Variants in SHB observed in about 807,000 individuals in gnomAD.
SHB encodes the protein SH2 domain-containing adapter protein B.
In SHB, 20 loss-of-function variants were observed where a neutral mutation model predicts 52.3. That is an observed-to-expected ratio of 0.38 (90% CI 0.27 to 0.56). The LOEUF is 0.56. Among genes scored for constraint, SHB ranks in the 20% least tolerant of loss-of-function variants. The probability of loss-of-function intolerance (pLI) is 0.71; values close to 1 mark genes in which losing one functional copy is unlikely to be tolerated. For missense variants in SHB, 825 were observed against 723.3 expected (o/e 1.14, Z -1.61); for synonymous variants, 397 against 316.5 (o/e 1.25, Z -2.70).
intron 1 of SHB, among the ~76,000 whole-genome samples, chr9:38,024,356 A>G (rs1470294802): frequency 1.3e-5 from 2 of 152,222 alleles, no homozygotes; most frequent in African/African-American, 4.8e-5. Flanking sequence ...CCTGCCCCAC[A>G]TGTCAGGAGG....
intron 5 of SHB, among the ~76,000 whole-genome samples, chr9:37,947,972 C>T (rs1300760240): frequency 6.6e-6 from 1 of 152,240 alleles, no homozygotes; most frequent in Non-Finnish European, 1.5e-5. Flanking sequence ...GGGTCCCGTC[C>T]AGCAATAGCA....
intron 1 of SHB, among the ~76,000 whole-genome samples, chr9:38,059,116 CTGAA>C (rs530537069): frequency 1.3e-5 from 2 of 152,258 alleles, no homozygotes; most frequent in South Asian, 4.1e-4. Flanking sequence ...ACAGTGTCTA[CTGAA>C]TGAATGAATG....
intron 2 of SHB, among the ~76,000 whole-genome samples, chr9:37,976,062 G>A (rs1564092479): frequency 1.3e-5 from 2 of 152,136 alleles, no homozygotes; most frequent in Admixed American, 6.5e-5. Context: ...TTGAGATGGA[G>A]TCTTACTCTG....
intron 2 of SHB, among the ~76,000 whole-genome samples, chr9:37,988,621 C>T (rs187710553): frequency 3.2e-4 from 49 of 152,324 alleles, no homozygotes; most frequent in African/African-American, 1.1e-3. Context: ...CAAAGCTGTG[C>T]TTTCCTGCCT....
intron 2 of SHB, among the ~76,000 whole-genome samples, chr9:38,000,249 C>T (rs1820995245): frequency 6.6e-6 from 1 of 152,236 alleles, no homozygotes; most frequent in Non-Finnish European, 1.5e-5. Flanking sequence ...GACCCCAGGC[C>T]TAAGCTCTTT....
chr9:37,991,965 A>T (rs1482466457), intron 2 of SHB, among the ~76,000 whole-genome samples: 1 of 152,220 alleles, frequency 6.6e-6, no homozygotes, highest in Non-Finnish European at 1.5e-5. Flanking sequence ...CTCCCACACC[A>T]GAAACATGCT....
intron 1 of SHB, among the ~76,000 whole-genome samples, chr9:38,043,625 C>T (rs146428930): frequency 2.8e-4 from 43 of 152,308 alleles, no homozygotes; most frequent in African/African-American, 1.0e-3. Flanking sequence ...TGCAGTGGCT[C>T]ACACCTGTAA....
chr9:37,938,133 C>G lies in SHB; in HGVS notation c.1346+10502G>C, dbSNP rs150472713. 3.0e-3 allele frequency among the ~76,000 whole-genome samples: 455 copies of G among 152,348 alleles called. 1 individual carries two copies. Among genetic ancestry groups the G allele is most frequent in the African/African-American group, 0.01 (434 of 41,570 alleles). ...AAGCCCCTACAGCACAAAGGCTCTG[C>G]AAACCACCCTACCTGCATCTGTGCA... On this transcript the variant is annotated intron_variant, in intron 5 of 5. Transcript: ENST00000377707.
chr9:38,045,823 C>G (rs1564109739), intron 1 of SHB, among the ~76,000 whole-genome samples: 3 of 152,188 alleles, frequency 2.0e-5, no homozygotes, highest in African/African-American at 4.8e-5. Context: ...TCTAGCGTGT[C>G]TAGGCCAGAG....
At chr9:37,976,928 C>T (rs992960322) in intron 2 of SHB, among the ~76,000 whole-genome samples, 19 of 152,152 alleles carry the variant, frequency 1.2e-4, no homozygotes, top group Admixed American at 7.9e-4. Context: ...ATGATTCAGG[C>T]CGGCTCATGT....
intron 2 of SHB, among the ~76,000 whole-genome samples, chr9:38,002,936 C>T (rs1166992764): frequency 1.3e-5 from 2 of 152,104 alleles, no homozygotes; most frequent in African/African-American, 4.8e-5. Context: ...AGGGCTGGGG[C>T]CCAAAAGGCA....
rs929507786 is a variant in SHB at position 37,956,007 on chromosome 9, G to T, written c.1102C>A (p.Arg368=). Reference sequence around the variant, plus strand: ...GCACGAAGCTGGCGCCGCCGGTCCCGCGAAGGTGAGGGGGATGACTGCCGC... The same window carrying T: ...GCACGAAGCTGGCGCCGCCGGTCCCTCGAAGGTGAGGGGGATGACTGCCGC... ...EKRQSSPSPS[R]DRRRQLRAPG... The change falls in exon 4 of 6, where the codon CGG becomes AGG. Residue 368 remains arginine (R), a synonymous_variant. Coordinates refer to ENST00000377707, the MANE Select transcript of SHB (RefSeq NM_003028.3). The T allele has an allele frequency of 6.3e-7, 1 of 1,587,836 alleles. No homozygotes were observed. Among genetic ancestry groups the T allele is most frequent in the African/African-American group, 1.3e-5 (1 of 74,732 alleles).
At chr9:38,002,391 C>A (rs1821026118) in intron 2 of SHB, among the ~76,000 whole-genome samples, 1 of 152,222 alleles carries the variant, frequency 6.6e-6, no homozygotes, top group Non-Finnish European at 1.5e-5. Flanking sequence ...AAAGCCATCA[C>A]TCCCTGCAGA....
chr9:38,036,602 G>A (rs924942757), intron 1 of SHB, among the ~76,000 whole-genome samples: 1 of 152,196 alleles, frequency 6.6e-6, no homozygotes, highest in African/African-American at 2.4e-5. Flanking sequence ...CCGAAAGACA[G>A]GGCAGACCCA....
At chr9:37,938,201 T>C (rs1322979923) in intron 5 of SHB, among the ~76,000 whole-genome samples, 1 of 152,206 alleles carries the variant, frequency 6.6e-6, no homozygotes, top group Non-Finnish European at 1.5e-5. Flanking sequence ...ATTGCAAATC[T>C]GGGCCTCAGG....
intron 1 of SHB, among the ~76,000 whole-genome samples, chr9:38,035,722 T>C (rs1331004335): frequency 6.6e-6 from 1 of 152,108 alleles, no homozygotes; most frequent in East Asian, 1.9e-4. Flanking sequence ...AATTACCATA[T>C]AGAAAATATT....
intron 5 of SHB, among the ~76,000 whole-genome samples, chr9:37,925,342 C>T (rs567947746): frequency 9.8e-5 from 15 of 152,326 alleles, no homozygotes; most frequent in East Asian, 1.9e-4. Context: ...AGTCCCAGGA[C>T]GAGCCAGTGA....
At chr9:38,003,861 A>G (rs757007857) in intron 2 of SHB, among the ~76,000 whole-genome samples, 1 of 152,080 alleles carries the variant, frequency 6.6e-6, no homozygotes, top group Non-Finnish European at 1.5e-5. Flanking sequence ...GAGGTCAAGG[A>G]AGGGAGGATG....
intron 3 of SHB, among the ~76,000 whole-genome samples, chr9:37,965,272 C>A (rs994318219): frequency 6.6e-6 from 1 of 152,334 alleles, no homozygotes; most frequent in East Asian, 1.9e-4. Flanking sequence ...CTGCACCCAA[C>A]CAACACACCA....
Sources: gnomAD v4.1 joint callset for allele counts (sites outside exome capture counted in the v4.1 genomes callset) on GRCh38, gnomAD v4.1.1 for gene constraint, MANE v1.5 for transcripts, NCBI Gene and HGNC (gene_info 2026-07-23, HGNC 2026-07-21) for gene names.